Variants in GNA13 observed in about 807,000 individuals in gnomAD.
The protein encoded by GNA13 is guanine nucleotide-binding protein subunit alpha-13.
GNA13 carries 4 observed loss-of-function variants against 33.5 expected under a neutral mutation model. The observed-to-expected ratio is 0.12, with a 90% CI of 0.06 to 0.27. The LOEUF is 0.27. GNA13 is among the 10% of genes least tolerant of loss of function. GNA13 has a pLI of 1.00. For missense variants in GNA13, 319 were observed against 487.2 expected, an observed-to-expected ratio of 0.65 and a Z score of 3.25; for synonymous variants, 176 against 183.8, an observed-to-expected ratio of 0.96 and a Z score of 0.34.
chr17:65,022,611 C>T (rs1443602303), intron 2 of GNA13, among the ~76,000 whole-genome samples: 1 of 152,128 alleles, frequency 6.6e-6, no homozygotes, highest in Non-Finnish European at 1.5e-5. Flanking sequence ...ATCCTCCCAA[C>T]CCACAGAAAA....
intron 2 of GNA13, among the ~76,000 whole-genome samples, chr17:65,039,744 G>A (rs925389053): frequency 6.6e-6 from 1 of 152,146 alleles, no homozygotes; most frequent in African/African-American, 2.4e-5. Flanking sequence ...CATATTTCAT[G>A]TAGATTACTC....
intron 2 of GNA13, among the ~76,000 whole-genome samples, chr17:65,032,239 A>G (rs1178091966): frequency 6.6e-6 from 1 of 152,220 alleles, no homozygotes; most frequent in African/African-American, 2.4e-5. Context: ...ACCCGAGGAT[A>G]TGGCTAGTAA....
At chr17:65,045,808 C>A (rs1907639115) in intron 2 of GNA13, among the ~76,000 whole-genome samples, 1 of 152,134 alleles carries the variant, frequency 6.6e-6, no homozygotes, top group Non-Finnish European at 1.5e-5. Context: ...TAAATAAAAC[C>A]TTACATGCAC....
In GNA13 at chr17:65,056,226, G is replaced by A; in HGVS notation, c.283+85C>T. ...CCCGTTCCTTCGCCAGCGACACAGC[G>A]GACCAGGGCGGTGCCCCGCCCCGCA... On this transcript the variant is annotated intron_variant, in intron 1 of 3. Coordinates refer to ENST00000439174, the MANE Select transcript of GNA13 (RefSeq NM_006572.6). 2 of 818,614 alleles carry A rather than the reference G, an allele frequency of 2.4e-6. 1 individual carries two copies. Among genetic ancestry groups the A allele is most frequent in the South Asian group, 3.6e-5 (2 of 55,924 alleles). The allele number at this position is 818,614 out of a possible 1,614,324, so 50.7% of individuals were successfully genotyped here.
rs59210481 is a variant in GNA13 at position 65,015,662 on chromosome 17, TAAAAAAAAAAAAAA to T, written c.562-847_562-834del. On this transcript the variant is annotated intron_variant, in intron 3 of 3. Transcript: ENST00000439174. ...TGGGTGACAGAGCAAGACTTTGTCT[TAAAAAAAAAAAAAA>T]AAAAAAAAAAGGCAATGGGATCTGA... 4.0e-5 allele frequency among the ~76,000 whole-genome samples: 3 copies of T among 74,720 alleles called. No individual in the cohort carries two copies. In the South Asian group the frequency reaches 2.0e-3, roughly 49 times the overall value. The allele number at this position is 74,720 out of a possible 152,430, so 49.0% of individuals were successfully genotyped here. A position where few individuals can be genotyped will look rare whatever the true frequency, so the allele number is the denominator to read the frequency against.
Position 65,009,623 on chromosome 17 carries a change from C to T in GNA13, c.*4634G>A, listed in dbSNP as rs1329134994. On this transcript the variant is annotated 3_prime_UTR_variant, in exon 4 of 4. Transcript: ENST00000439174. ...AATACGAGTCATGTTTTGTTAGGTA[C>T]AGTATCTACGGGGTTATTACAAAAT... Among the ~76,000 whole-genome samples, 2 of 152,072 alleles carry T rather than the reference C, an allele frequency of 1.3e-5. No individual in the cohort carries two copies. The highest frequency in any genetic ancestry group is 2.9e-5 in the Non-Finnish European group (2 of 68,012).
chr17:65,042,372 AAAG>A (rs931089221), intron 2 of GNA13, among the ~76,000 whole-genome samples: 10 of 151,538 alleles, frequency 6.6e-5, no homozygotes, highest in African/African-American at 2.2e-4. Context: ...AAAAAAAAAA[AAAG>A]AAGAACCACA....
chr17:65,038,952 T>C (rs1907361243), intron 2 of GNA13, among the ~76,000 whole-genome samples: 2 of 152,212 alleles, frequency 1.3e-5, no homozygotes, highest in Admixed American at 1.3e-4. Flanking sequence ...TTCTACTAAA[T>C]GTGTATTGCA....
Position 65,032,317 on chromosome 17 carries a change from G to A in GNA13, c.511-14014C>T, listed in dbSNP as rs112006782. On this transcript the variant is annotated intron_variant, in intron 2 of 3. Transcript: ENST00000439174. ...CCACCCTATCTGTCCTTTCTCTCTC[G>A]TCTCTCCACATATTAACATAAAAAT... Among the ~76,000 whole-genome samples, 439 of 151,996 alleles carry A rather than the reference G, an allele frequency of 2.9e-3. 3 individuals carry two copies. The highest frequency in any genetic ancestry group is 0.01 in the African/African-American group (420 of 41,434).
intron 2 of GNA13, among the ~76,000 whole-genome samples, chr17:65,048,328 C>CTTTTTTTTTTTTT (rs1907742127): frequency 6.6e-6 from 1 of 152,176 alleles, no homozygotes; most frequent in African/African-American, 2.4e-5. Context: ...ACTCCCATCT[C>CTTTTTTTTTTTTT]TTTATTCATC....
chr17:65,044,915 T>C (rs190740981), intron 2 of GNA13, among the ~76,000 whole-genome samples: 90 of 150,992 alleles, frequency 6.0e-4, no homozygotes, highest in Non-Finnish European at 1.0e-3. Flanking sequence ...TGGTGGCCCA[T>C]ACCTGTAATC....
chr17:65,026,016 A>T lies in GNA13; in HGVS notation c.511-7713T>A, dbSNP rs1906768377. Among the ~76,000 whole-genome samples the T allele has an allele frequency of 1.4e-4, 22 of 152,168 alleles. No individual in the cohort carries two copies. In the South Asian group the frequency reaches 4.6e-3, roughly 32 times the overall value. On this transcript the variant is annotated intron_variant, in intron 2 of 3. Coordinates refer to ENST00000439174, the MANE Select transcript of GNA13 (RefSeq NM_006572.6). ...CACTATGATGAAAACAGCAGATAAG[A>T]CACAACAAAAAAAATTATAAGTAAT...
At chr17:65,055,281 T>C (rs1165372592) in intron 1 of GNA13, among the ~76,000 whole-genome samples, 1 of 152,230 alleles carries the variant, frequency 6.6e-6, no homozygotes, top group Non-Finnish European at 1.5e-5. Context: ...TTAATTATCT[T>C]TCAAATGACA....
intron 2 of GNA13, among the ~76,000 whole-genome samples, chr17:65,019,700 T>G (rs1019766533): frequency 6.6e-6 from 1 of 152,054 alleles, no homozygotes; most frequent in Non-Finnish European, 1.5e-5. Flanking sequence ...TGGCAGGAGG[T>G]GGGGACGGCT....
At chr17:65,044,977 A>T (rs1201222653) in intron 2 of GNA13, among the ~76,000 whole-genome samples, 1 of 147,654 alleles carries the variant, frequency 6.8e-6, no homozygotes, top group Non-Finnish European at 1.5e-5. Flanking sequence ...TGGGAGGTGG[A>T]GGTTTCAGTG....
At chr17:65,025,385 A>G (rs1380073728) in intron 2 of GNA13, among the ~76,000 whole-genome samples, 1 of 152,208 alleles carries the variant, frequency 6.6e-6, no homozygotes, top group Non-Finnish European at 1.5e-5. Context: ...CTACAGTTCT[A>G]GCTGCCTACT....
intron 2 of GNA13, among the ~76,000 whole-genome samples, chr17:65,034,464 A>T (rs1194119934): frequency 6.6e-6 from 1 of 151,412 alleles, no homozygotes; most frequent in Non-Finnish European, 1.5e-5. Context: ...ACGCCCAGCT[A>T]ATTTTTTGTA....
At chr17:65,044,052 G>A (rs1194905103) in intron 2 of GNA13, among the ~76,000 whole-genome samples, 1 of 152,166 alleles carries the variant, frequency 6.6e-6, no homozygotes, top group African/African-American at 2.4e-5. Context: ...AGCTGGGGAG[G>A]TCAAGGCTAC....
At chr17:65,048,107 T>C (rs1352828519) in intron 2 of GNA13, among the ~76,000 whole-genome samples, 2 of 152,360 alleles carry the variant, frequency 1.3e-5, no homozygotes, top group South Asian at 2.1e-4. Context: ...GTTGTATTAA[T>C]GCTGACAATG....
Sources: allele counts gnomAD v4.1 joint callset (sites outside exome capture counted in the v4.1 genomes callset), GRCh38; gene constraint gnomAD v4.1.1; transcripts MANE v1.5; gene names NCBI Gene and HGNC (gene_info 2026-07-23, HGNC 2026-07-21).